LRRC9: variants seen among roughly 807,000 people sequenced by gnomAD.
The protein encoded by LRRC9 is leucine rich repeat containing 9, also known as leucine-rich repeat-containing protein 9.
A neutral mutation model predicts 63.2 loss-of-function variants in LRRC9; 122 were observed. The observed-to-expected ratio is 1.93, with a 90% CI of 1.67 to 2.24. LRRC9 has a LOEUF of 2.24. Among genes scored for constraint, LRRC9 ranks in the 30% most tolerant of loss-of-function variants. LRRC9 has a pLI of 0.00. For missense variants in LRRC9, 1,071 were observed against 627.7 expected, an observed-to-expected ratio of 1.71 and a Z score of -7.55; for synonymous variants, 366 against 213.1, an observed-to-expected ratio of 1.72 and a Z score of -6.25.
chr14:60,030,257 C>T (rs76082741), intron 28 of LRRC9: 1 of 152,092 alleles, frequency 6.6e-6, no homozygotes, highest in Admixed American at 6.6e-5. Flanking sequence ...ACTTTAACAT[C>T]CTTCAGAAGC....
chr14:59,953,928 C>T (rs1477151363), intron 8 of LRRC9, among the ~76,000 whole-genome samples: 6 of 152,126 alleles, frequency 3.9e-5, no homozygotes, highest in African/African-American at 1.4e-4. Flanking sequence ...ATCCCTTCCC[C>T]ATTGCTTGTT....
intron 26 of LRRC9, among the ~76,000 whole-genome samples, chr14:60,021,836 G>C (rs1273072004): frequency 6.6e-6 from 1 of 151,802 alleles, no homozygotes; most frequent in Non-Finnish European, 1.5e-5. Context: ...CTGTTCCATT[G>C]ATCTGTATGT....
chr14:60,012,371 G>A (rs1890324447), intron 23 of LRRC9, among the ~76,000 whole-genome samples: 2 of 152,038 alleles, frequency 1.3e-5, no homozygotes, highest in African/African-American at 4.8e-5. Flanking sequence ...ACCAAGGGAG[G>A]GCATAGACTA....
chr14:60,039,772 G>C lies in LRRC9; in HGVS notation c.3990+7709G>C, dbSNP rs556992766. ...TTGTGTCTCTATCTCCTTCATTTCT[G>C]CTCTTATCTTAGTTATTTCTTGCCT... is the stretch of plus-strand genomic sequence containing the variant. On this transcript the variant is annotated intron_variant, in intron 29 of 31. Coordinates refer to ENST00000445360, the Ensembl canonical transcript of LRRC9. Among the ~76,000 whole-genome samples, 8 of 152,046 alleles carry C rather than the reference G, an allele frequency of 5.3e-5. No homozygotes were observed. The South Asian group carries it at 1.7e-3, about 32-fold the overall frequency.
At chr14:60,049,984 A>G (rs1034795889) in intron 29 of LRRC9, among the ~76,000 whole-genome samples, 3 of 150,418 alleles carry the variant, frequency 2.0e-5, no homozygotes, top group Non-Finnish European at 4.4e-5. Context: ...AATCTTTTCT[A>G]TCTGTCATTT....
chr14:59,995,974 T>G (rs1888740308), intron 17 of LRRC9, among the ~76,000 whole-genome samples: 1 of 152,124 alleles, frequency 6.6e-6, no homozygotes, highest in South Asian at 2.1e-4. Context: ...TTTCTTGACC[T>G]CGTGATCCAC....
chr14:60,002,013 A>C, exon 20 of LRRC9: 1 of 701,616 alleles, frequency 1.4e-6, no homozygotes, highest in Non-Finnish European at 2.6e-6. Flanking sequence ...GACCACGGAT[A>C]CTTAGTATAT....
rs1227045447 is a variant in LRRC9 at position 60,004,865 on chromosome 14, T to C, written c.2842+1067T>C. On this transcript the variant is annotated intron_variant, in intron 21 of 31. Coordinates refer to ENST00000445360, the Ensembl canonical transcript of LRRC9. This position sits in a 1 kb window ranked among gnomAD's most constrained non-coding sequence, Gnocchi z 4.8. The stretch of plus-strand genomic sequence containing the variant: ...TGCACTATTTGATTGAAAAGAGAAA[T>C]ATGTATATGTGTGTATACACACACA... 9.0e-6 allele frequency among the ~76,000 whole-genome samples: 1 copy of C among 111,552 alleles called. No homozygotes were observed. The highest frequency in any genetic ancestry group is 3.1e-5 in the African/African-American group (1 of 32,322). 73.2% of individuals were successfully genotyped at this position (111,552 alleles called of 152,430 possible).
At chr14:60,041,445 G>A (rs1892935376) in intron 29 of LRRC9, among the ~76,000 whole-genome samples, 1 of 151,838 alleles carries the variant, frequency 6.6e-6, no homozygotes, top group Non-Finnish European at 1.5e-5. Context: ...TTTTTTGGAG[G>A]CTTTATGCAT....
At chr14:59,981,880 C>T in exon 16 of LRRC9, 1 of 700,796 alleles carries the variant, frequency 1.4e-6, no homozygotes, top group Non-Finnish European at 2.6e-6. Context: ...CTGTATTCAA[C>T]AATGTTATTC....
Position 59,936,954 on chromosome 14 carries a change from C to A in LRRC9, c.544-1436C>A, listed in dbSNP as rs565117976. Among the ~76,000 whole-genome samples the A allele has an allele frequency of 6.6e-6, 1 of 152,262 alleles. No homozygotes were observed. Among genetic ancestry groups the A allele is most frequent in the South Asian group, 2.1e-4 (1 of 4,828 alleles). ...TTAACTCTGATTCTGATTTTTCTAG[C>A]TAGCATTGCATCCTTTCAAGTTTGA... On this transcript the variant is annotated intron_variant, in intron 6 of 31. Coordinates refer to ENST00000445360, the Ensembl canonical transcript of LRRC9. The surrounding 1 kb of genome is among the most constrained non-coding windows in gnomAD (Gnocchi z 4.2).
At position 59,998,746 on chromosome 14, in the gene LRRC9, T is replaced by A. The variant is rs550769643; in HGVS notation, c.2404-355T>A. Among the ~76,000 whole-genome samples the A allele has an allele frequency of 2.0e-5, 3 of 152,202 alleles. No individual in the cohort carries two copies. The South Asian group carries it at 6.2e-4, about 32-fold the overall frequency. ...CTATCTCTCTGTTGCCAAATTGGAT[T>A]GTCAAGGGCTAAAGATCCATATTGA... On this transcript the variant is annotated intron_variant, in intron 18 of 31. Coordinates refer to ENST00000445360, the Ensembl canonical transcript of LRRC9.
chr14:59,966,539 G>T lies in LRRC9; in HGVS notation c.1212-50G>T. On this transcript the variant is annotated intron_variant, in intron 10 of 31. Coordinates refer to ENST00000445360, the Ensembl canonical transcript of LRRC9. This position sits in a 1 kb window ranked among gnomAD's most constrained non-coding sequence, Gnocchi z 4.0. ...AGTTTTCTGTTCTTAAACATTTTAA[G>T]GAAAATCTATTATTTTCTTCATGTA... 1 of 506,798 alleles carries T rather than the reference G, an allele frequency of 2.0e-6. No individual in the cohort carries two copies. The highest frequency in any genetic ancestry group is 3.5e-6 in the Non-Finnish European group (1 of 282,786). The allele number at this position is 506,798 out of a possible 1,614,324, so 31.4% of individuals were successfully genotyped here.
At chr14:60,025,450 C>A (rs532112152) in intron 27 of LRRC9, among the ~76,000 whole-genome samples, 4 of 151,968 alleles carry the variant, frequency 2.6e-5, no homozygotes, top group African/African-American at 9.6e-5. Context: ...GACCACCTAA[C>A]CCTGTAAGGT....
chr14:60,003,372 C>T lies in LRRC9; in HGVS notation c.2665-249C>T, dbSNP rs551669399. ...GCACTCCCAGCAGCTGGGACAAGTC[C>T]ATTACTGTAATGGGACTCTAGCACA... On this transcript the variant is annotated intron_variant, in intron 20 of 31. Transcript: ENST00000445360. This position sits in a 1 kb window ranked among gnomAD's most constrained non-coding sequence, Gnocchi z 4.2. Among the ~76,000 whole-genome samples, 10 of 152,314 alleles carry T rather than the reference C, an allele frequency of 6.6e-5. No homozygotes were observed. The highest frequency in any genetic ancestry group is 1.2e-4 in the Non-Finnish European group (8 of 68,022).
In LRRC9 at chr14:59,975,129, A is replaced by ATATATATATG. The variant is rs1566833779; in HGVS notation, c.1639+430_1639+431insGTATATATAT. Among the ~76,000 whole-genome samples the ATATATATATG allele has an allele frequency of 3.8e-3, 42 of 11,118 alleles. 6 individuals carry two copies. Among genetic ancestry groups the ATATATATATG allele is most frequent in the Non-Finnish European group, 0.011 (32 of 2,840 alleles). 7.3% of individuals were successfully genotyped at this position (11,118 alleles called of 152,430 possible). On this transcript the variant is annotated intron_variant, in intron 13 of 31. Coordinates refer to ENST00000445360, the Ensembl canonical transcript of LRRC9. ...TATATATATGTATATATATATATGT[A>ATATATATATG]TATATATATACATATATATATGTAT...
intron 26 of LRRC9, among the ~76,000 whole-genome samples, chr14:60,019,544 T>C (rs1890955673): frequency 6.6e-6 from 1 of 151,946 alleles, no homozygotes; most frequent in Non-Finnish European, 1.5e-5. Flanking sequence ...TACTGCATGT[T>C]TAATGACCTT....
chr14:59,978,055 C>T (rs1010569674), exon 15 of LRRC9: 21 of 701,958 alleles, frequency 3.0e-5, no homozygotes, highest in African/African-American at 7.0e-5. Flanking sequence ...TTGCAGTGTT[C>T]GGCAGTGCAA....
intron 19 of LRRC9, among the ~76,000 whole-genome samples, chr14:60,000,024 G>A (rs551508438): frequency 8.5e-5 from 13 of 152,056 alleles, no homozygotes; most frequent in East Asian, 1.9e-4. Context: ...TCACAATAGC[G>A]AAATCACAGA....
Sources: allele counts gnomAD v4.1 joint callset (sites outside exome capture counted in the v4.1 genomes callset), GRCh38; gene constraint gnomAD v4.1.1; non-coding constraint Gnocchi (gnomAD v3.1); transcripts MANE v1.5; gene names NCBI Gene and HGNC (gene_info 2026-07-23, HGNC 2026-07-21).